SCN11A: variants seen among roughly 807,000 people sequenced by gnomAD.
The protein encoded by SCN11A is sodium channel protein type 11 subunit alpha.
SCN11A carries 122 observed loss-of-function variants against 162.2 expected under a neutral mutation model. That is an observed-to-expected ratio of 0.75 (90% CI 0.65 to 0.87). The LOEUF (loss-of-function observed/expected upper bound fraction) is 0.87, where lower values mean the gene tolerates loss of function less well. Ranked by LOEUF, SCN11A falls within the 40% of genes least tolerant of loss-of-function variation. The pLI is 0.00. For synonymous variants in SCN11A, 758 were observed against 751.5 expected, an observed-to-expected ratio of 1.01 and a Z score of -0.14; for missense variants, 2,015 against 2,181.6, an observed-to-expected ratio of 0.92 and a Z score of 1.52.
intron 2 of SCN11A, among the ~76,000 whole-genome samples, chr3:38,964,057 C>T (rs1188046465): frequency 6.6e-6 from 1 of 152,220 alleles, no homozygotes. Flanking sequence ...GTGGAGTTTG[C>T]ATTCAGGACT....
intron 2 of SCN11A, among the ~76,000 whole-genome samples, chr3:38,965,909 G>T (rs2066778819): frequency 6.6e-6 from 1 of 151,950 alleles, no homozygotes; most frequent in South Asian, 2.1e-4. Context: ...GAGCCCTGGA[G>T]GTGAAGGCTG....
chr3:38,979,388 TC>T (rs2029922535), intron 2 of SCN11A, among the ~76,000 whole-genome samples: 1 of 152,174 alleles, frequency 6.6e-6, no homozygotes, highest in Non-Finnish European at 1.5e-5. Flanking sequence ...CACCACTGCT[TC>T]CTTTGACCAA....
intron 2 of SCN11A, among the ~76,000 whole-genome samples, chr3:39,006,507 T>C (rs934202911): frequency 4.6e-5 from 7 of 152,156 alleles, no homozygotes; most frequent in Admixed American, 1.3e-4. Flanking sequence ...TGGGAGCTTT[T>C]TTATGAAAGA....
chr3:38,870,275 G>A (rs1048089501), intron 26 of SCN11A, among the ~76,000 whole-genome samples: 5 of 152,152 alleles, frequency 3.3e-5, no homozygotes, highest in African/African-American at 9.7e-5. Flanking sequence ...GGAGCCATGC[G>A]AGGGTCTCCC....
chr3:38,894,752 G>A lies in SCN11A; in HGVS notation c.2616C>T (p.Gly872=). 1 of 1,614,194 alleles carries A rather than the reference G, an allele frequency of 6.2e-7. No homozygotes were observed. The highest frequency in any genetic ancestry group is 8.5e-7 in the Non-Finnish European group (1 of 1,180,030). ...NLPQQKEVAG[G]CAAQSKDIIP... The stretch of plus-strand genomic sequence containing the variant: ...TGATGTCTTTGCTTTGTGCAGCACA[G>A]CCTCCTGCCACCTCTTTTTGCTGTG... Residue 872 remains glycine (G), a synonymous_variant, in exon 19 of 30, where the codon GGC becomes GGT. Transcript: ENST00000302328.
chr3:39,047,785 A>G (rs979888150), intron 1 of SCN11A, among the ~76,000 whole-genome samples: 1 of 152,222 alleles, frequency 6.6e-6, no homozygotes, highest in Non-Finnish European at 1.5e-5. Flanking sequence ...AATGCTCAAC[A>G]TCACTAATCA....
intron 2 of SCN11A, among the ~76,000 whole-genome samples, chr3:38,995,478 A>C (rs2030597305): frequency 6.6e-6 from 1 of 152,156 alleles, no homozygotes. Context: ...TTAGTGTTTG[A>C]ATTGTGGACT....
chr3:38,908,711 C>G (rs563867185), intron 13 of SCN11A, among the ~76,000 whole-genome samples: 23 of 152,212 alleles, frequency 1.5e-4, no homozygotes, highest in African/African-American at 3.4e-4. Flanking sequence ...TATGTTGTAT[C>G]GTCTAGTCAG....
intron 2 of SCN11A, among the ~76,000 whole-genome samples, chr3:38,994,095 C>T (rs2030536491): frequency 6.6e-6 from 1 of 152,132 alleles, no homozygotes; most frequent in South Asian, 2.1e-4. Flanking sequence ...GGGATCGCTC[C>T]CCAAATAAAT....
At position 38,900,015 on chromosome 3, in the gene SCN11A, T is replaced by C; in HGVS notation, c.1901A>G (p.Tyr634Cys). The C allele has an allele frequency of 1.2e-6, 2 of 1,614,094 alleles. No individual in the cohort carries two copies. The highest frequency in any genetic ancestry group is 1.7e-6 in the Non-Finnish European group (2 of 1,179,986). Residue 634 changes from tyrosine to cysteine, a missense_variant, in exon 17 of 30, where the codon TAC becomes TGC. Tyr to Cys is a radical substitution (Grantham distance 194, BLOSUM62 -2). Coordinates refer to ENST00000302328, the MANE Select transcript of SCN11A (RefSeq NM_001349253.2). ...MCLKIIALDPYHYFRRGWNIF... is the reference protein window; with the variant it reads ...MCLKIIALDPCHYFRRGWNIF... Reference sequence around the variant, plus strand: ...GTTCCAGCCTCGGCGAAAGTAGTGGTAGGGATCGAGCGCAATGATTTTTAG... The same window carrying C: ...GTTCCAGCCTCGGCGAAAGTAGTGGCAGGGATCGAGCGCAATGATTTTTAG...
In SCN11A at chr3:38,924,258, G is replaced by A. The variant is rs1220022394; in HGVS notation, c.712+1157C>T. 9.9e-5 allele frequency among the ~76,000 whole-genome samples: 15 copies of A among 151,816 alleles called. No homozygotes were observed. The South Asian group carries it at 2.7e-3, about 27-fold the overall frequency. ...TTTTTTTTAGACCTTAGGCTGGAGT[G>A]CAATGGCACAATCTTGGCTCACTGC... On this transcript the variant is annotated intron_variant, in intron 9 of 29. Coordinates refer to ENST00000302328, the MANE Select transcript of SCN11A (RefSeq NM_001349253.2).
chr3:38,940,057 C>T (rs1014793029), intron 7 of SCN11A, among the ~76,000 whole-genome samples: 19 of 146,542 alleles, frequency 1.3e-4, no homozygotes, highest in South Asian at 2.1e-4. Flanking sequence ...GATGTACATA[C>T]ATATATATAT....
chr3:38,886,136 C>T lies in SCN11A; in HGVS notation c.2938G>A (p.Asp980Asn), dbSNP rs1403716541. 7 of 1,609,146 alleles carry T rather than the reference C, an allele frequency of 4.4e-6. No individual in the cohort carries two copies. The highest frequency in any genetic ancestry group is 1.3e-5 in the African/African-American group (1 of 74,804). ...SEDEPHLTIQ[D>N]PRKKSDVTSI... ...CCTAGGAAAATTACCTTTCGGGGAT[C>T]CTGTATGGTCAGATGAGGCTCATCT... The change falls in exon 20 of 30, where the codon GAT becomes AAT. Residue 980 changes from aspartate (D) to asparagine (N), a missense_variant. By Grantham distance (23) the Asp-to-Asn change is conservative. Transcript: ENST00000302328.
At chr3:38,884,468 T>A (rs948531210) in intron 21 of SCN11A, among the ~76,000 whole-genome samples, 1 of 152,220 alleles carries the variant, frequency 6.6e-6, no homozygotes, top group Admixed American at 6.5e-5. Context: ...TTATAGATAA[T>A]TTTTTTAGAT....
rs574777861 is a variant in SCN11A at position 38,921,208 on chromosome 3, C to A, written c.760G>T (p.Val254Phe). The A allele has an allele frequency of 7.7e-4, 1,241 of 1,614,050 alleles. 18 individuals are homozygous for A. The South Asian group carries it at 0.013, about 17-fold the overall frequency. Residue 254 changes from valine (V) to phenylalanine (F), a missense_variant, in exon 10 of 30, where the codon GTC becomes TTC. Val to Phe is a conservative substitution (Grantham distance 50). Transcript: ENST00000302328. Reference protein sequence around the residue: ...GALLRSVKKLVNVIILTFFCL... With the variant: ...GALLRSVKKLFNVIILTFFCL... ...AAGAAGGTGAGGATAATCACGTTGA[C>A]CAGCTTCTTCACAGAGCGTAGCAAG... is the stretch of plus-strand genomic sequence containing the variant.
Position 38,904,229 on chromosome 3 carries a change from T to C in SCN11A, c.1604-126A>G, listed in dbSNP as rs189749168. On this transcript the variant is annotated intron_variant, in intron 15 of 29. Coordinates refer to ENST00000302328, the MANE Select transcript of SCN11A (RefSeq NM_001349253.2). ...GATACATGATCAGTTGTGAAATGTTTTGATTTGTGTAGTCAGAAAGGTTTT... is the reference window on the plus strand; with the variant it reads ...GATACATGATCAGTTGTGAAATGTTCTGATTTGTGTAGTCAGAAAGGTTTT... 7 of 573,956 alleles carry C rather than the reference T, an allele frequency of 1.2e-5. No individual in the cohort carries two copies. In the Admixed American group the frequency reaches 2.2e-4, roughly 18 times the overall value. 35.6% of individuals were successfully genotyped at this position (573,956 alleles called of 1,614,324 possible). A position where few individuals can be genotyped will look rare whatever the true frequency, so the allele number is the denominator to read the frequency against.
chr3:38,870,185 T>C (rs982277012), intron 26 of SCN11A, among the ~76,000 whole-genome samples: 13 of 152,176 alleles, frequency 8.5e-5, no homozygotes, highest in African/African-American at 3.1e-4. Flanking sequence ...TCTGTGATTA[T>C]CTTTTCTTTA....
At chr3:38,939,840 T>A (rs898360407) in intron 7 of SCN11A, among the ~76,000 whole-genome samples, 31 of 150,472 alleles carry the variant, frequency 2.1e-4, no homozygotes, top group Non-Finnish European at 2.8e-4. Flanking sequence ...GAGGAGGAGG[T>A]TGTGGTGAGC....
intron 27 of SCN11A, among the ~76,000 whole-genome samples, chr3:38,865,973 C>G (rs2065033932): frequency 6.6e-6 from 1 of 152,154 alleles, no homozygotes; most frequent in Non-Finnish European, 1.5e-5. Context: ...GGGTACCTAG[C>G]ACAGCATTTC....
Sources: gnomAD v4.1 joint callset for allele counts (sites outside exome capture counted in the v4.1 genomes callset) on GRCh38, gnomAD v4.1.1 for gene constraint, MANE v1.5 for transcripts, NCBI Gene and HGNC (gene_info 2026-07-23, HGNC 2026-07-21) for gene names.